Variants in ANO2 observed in about 807,000 individuals in gnomAD.
ANO2 encodes anoctamin-2.
A neutral mutation model predicts 124.2 loss-of-function variants in ANO2; 101 were observed. The observed-to-expected ratio is 0.81, with a 90% CI of 0.69 to 0.96. The LOEUF (loss-of-function observed/expected upper bound fraction) is 0.96. Ranked by LOEUF, ANO2 falls within the 40% of genes least tolerant of loss-of-function variation. ANO2 has a pLI of 0.00. For missense variants in ANO2, 1,293 were observed against 1,274.5 expected (o/e 1.01, Z -0.22); for synonymous variants, 486 against 482.5 (o/e 1.01, Z -0.09).
At chr12:5,627,529 AC>A (rs1468911798) in intron 16 of ANO2, among the ~76,000 whole-genome samples, 1 of 151,932 alleles carries the variant, frequency 6.6e-6, no homozygotes, top group Non-Finnish European at 1.5e-5. Context: ...CAGAGAGCAG[AC>A]CCCCCATCCC....
chr12:5,856,758 AT>A, intron 3 of ANO2: 1 of 152,270 alleles, frequency 6.6e-6, no homozygotes, highest in South Asian at 2.1e-4. Flanking sequence ...ATGCCTTTAG[AT>A]TTTTACGTGA....
chr12:5,802,626 G>C (rs1369504496), intron 9 of ANO2, among the ~76,000 whole-genome samples: 2 of 152,210 alleles, frequency 1.3e-5, no homozygotes, highest in Non-Finnish European at 2.9e-5. Flanking sequence ...ACACTCTGGA[G>C]TCCTGCCCCA....
rs529929594 is a variant in ANO2, at chr12:5,850,543, A to C, written c.633+3500T>G. Among the ~76,000 whole-genome samples the C allele has an allele frequency of 3.9e-5, 6 of 152,258 alleles. No homozygotes were observed. In the South Asian group the frequency reaches 6.2e-4, roughly 16 times the overall value. ...TTTGGGAAAAAGTTCTTTCTGTTTTATCTGCAGCCTTGGGGGGCAATCACA... is the reference window on the plus strand; with the variant it reads ...TTTGGGAAAAAGTTCTTTCTGTTTTCTCTGCAGCCTTGGGGGGCAATCACA... On this transcript the variant is annotated intron_variant, in intron 4 of 24. Transcript: ENST00000682330.
intron 19 of ANO2, among the ~76,000 whole-genome samples, chr12:5,600,287 C>T (rs1177541505): frequency 6.6e-6 from 1 of 152,184 alleles, no homozygotes; most frequent in Non-Finnish European, 1.5e-5. Context: ...TCTGAGGACA[C>T]AGAGAAAAGG....
chr12:5,930,377 T>C (rs1277528705), intron 1 of ANO2, among the ~76,000 whole-genome samples: 1 of 152,052 alleles, frequency 6.6e-6, no homozygotes, highest in Non-Finnish European at 1.5e-5. Flanking sequence ...GAGCCTGGCA[T>C]GATGGTGTGG....
At chr12:5,746,441 G>A (rs767781540) in intron 11 of ANO2, among the ~76,000 whole-genome samples, 39 of 152,106 alleles carry the variant, frequency 2.6e-4, no homozygotes, top group Non-Finnish European at 5.1e-4. Context: ...GAATGACATC[G>A]AAATGACTTT....
intron 14 of ANO2, among the ~76,000 whole-genome samples, chr12:5,705,662 C>T (rs1334967616): frequency 6.6e-6 from 1 of 152,224 alleles, no homozygotes; most frequent in African/African-American, 2.4e-5. Flanking sequence ...AATACTATTG[C>T]TTTTGGCCAC....
chr12:5,823,231 C>T (rs1227270611), intron 7 of ANO2, among the ~76,000 whole-genome samples: 2 of 152,162 alleles, frequency 1.3e-5, no homozygotes, highest in East Asian at 1.9e-4. Flanking sequence ...CACAATCATG[C>T]CTTCCCTCCA....
At chr12:5,695,669 C>A (rs912937659) in intron 14 of ANO2, among the ~76,000 whole-genome samples, 3 of 152,018 alleles carry the variant, frequency 2.0e-5, no homozygotes, top group African/African-American at 7.2e-5. Context: ...GGCAAAACCC[C>A]ATCTCTACTA....
chr12:5,606,702 A>C (rs539439097), intron 19 of ANO2, among the ~76,000 whole-genome samples: 55 of 152,330 alleles, frequency 3.6e-4, no homozygotes, highest in Middle Eastern at 3.4e-3. Context: ...TAATTCAAGA[A>C]GCCTGCTAGA....
rs12422578 is a variant in ANO2, at chr12:5,650,162, G to A, written c.1546-2361C>T. Among the ~76,000 whole-genome samples, 1,125 of 152,224 alleles carry A rather than the reference G, an allele frequency of 7.4e-3. 49 individuals carry two copies. Among genetic ancestry groups the A allele is most frequent in the Admixed American group, 0.063 (956 of 15,270 alleles). ...TGGGCCAGGCTCTGTGCTAGATACT[G>A]AGGACACGCTGAGGAGAAGGTTCAG... On this transcript the variant is annotated intron_variant, in intron 14 of 24. Transcript: ENST00000682330.
chr12:5,739,069 G>A (rs1364655731), intron 13 of ANO2: 1 of 639,388 alleles, frequency 1.6e-6, no homozygotes, highest in African/African-American at 1.8e-5. Context: ...GAGGGCACTG[G>A]GACATCTGCC....
At chr12:5,918,630 A>T (rs985992382) in intron 3 of ANO2, among the ~76,000 whole-genome samples, 25 of 151,962 alleles carry the variant, frequency 1.6e-4, no homozygotes, top group African/African-American at 5.1e-4. Context: ...TAGTAGAGAC[A>T]GTGTTTCACC....
intron 10 of ANO2, among the ~76,000 whole-genome samples, chr12:5,774,178 G>A (rs960355001): frequency 6.6e-6 from 1 of 152,204 alleles, no homozygotes; most frequent in Non-Finnish European, 1.5e-5. Flanking sequence ...TCTTGGGCAG[G>A]ACGCAGTGGC....
intron 3 of ANO2, among the ~76,000 whole-genome samples, chr12:5,864,628 G>A (rs1175069430): frequency 6.6e-6 from 1 of 152,212 alleles, no homozygotes; most frequent in Non-Finnish European, 1.5e-5. Context: ...AGGCAAGAGA[G>A]CAATGGGCAA....
intron 14 of ANO2, among the ~76,000 whole-genome samples, chr12:5,716,241 T>C (rs1479494063): frequency 6.6e-6 from 1 of 152,196 alleles, no homozygotes; most frequent in Non-Finnish European, 1.5e-5. Flanking sequence ...GGTGATAAAC[T>C]CCTTGAAGGA....
At chr12:5,823,981 G>A (rs1010579729) in intron 7 of ANO2, among the ~76,000 whole-genome samples, 3 of 152,176 alleles carry the variant, frequency 2.0e-5, no homozygotes, top group Non-Finnish European at 4.4e-5. Context: ...GCTGTATGTT[G>A]GCCCCTTTCA....
rs114946572 is a variant in ANO2 at position 5,860,026 on chromosome 12, G to A, written c.535-5885C>T. Among the ~76,000 whole-genome samples the A allele has an allele frequency of 4.1e-3, 619 of 152,162 alleles. 3 individuals are homozygous for A. Among genetic ancestry groups the A allele is most frequent in the African/African-American group, 0.014 (592 of 41,520 alleles). On this transcript the variant is annotated intron_variant, in intron 3 of 24. Coordinates refer to ENST00000682330, the MANE Select transcript of ANO2 (RefSeq NM_001364791.2). Reference sequence around the variant, plus strand: ...CTAAAGTTAACTCAACAGCAAGCCCGATAATTTGCACATGGTCTAAGGTAC... The same window carrying A: ...CTAAAGTTAACTCAACAGCAAGCCCAATAATTTGCACATGGTCTAAGGTAC...
intron 9 of ANO2, among the ~76,000 whole-genome samples, chr12:5,802,489 G>A (rs895048406): frequency 6.6e-6 from 1 of 152,184 alleles, no homozygotes. Context: ...GAGGGAGGTG[G>A]AGAGTGCTGT....
Sources: gnomAD v4.1 joint callset for allele counts (sites outside exome capture counted in the v4.1 genomes callset) on GRCh38, gnomAD v4.1.1 for gene constraint, MANE v1.5 for transcripts, NCBI Gene and HGNC (gene_info 2026-07-23, HGNC 2026-07-21) for gene names.